Variants in SFTPD observed in about 807,000 individuals in gnomAD.
SFTPD encodes surfactant protein D, also known as pulmonary surfactant-associated protein D.
In SFTPD, 18 loss-of-function variants were observed where a neutral mutation model predicts 34.6. That is an observed-to-expected ratio of 0.52 (90% CI 0.36 to 0.77). SFTPD has a LOEUF of 0.77. Among genes scored for constraint, SFTPD ranks in the 30% least tolerant of loss-of-function variants. The probability of loss-of-function intolerance (pLI) is 0.00; values close to 1 mark genes in which losing one functional copy is unlikely to be tolerated. For missense variants in SFTPD, 433 were observed against 468.9 expected (o/e 0.92, Z 0.71); for synonymous variants, 155 against 180.9 (o/e 0.86, Z 1.15).
intron 1 of SFTPD, among the ~76,000 whole-genome samples, chr10:79,979,677 G>T (rs548012462): frequency 1.9e-4 from 29 of 152,188 alleles, no homozygotes; most frequent in Admixed American, 1.8e-3. Flanking sequence ...ATGGGATGAA[G>T]TACTCTGGGA....
intron 1 of SFTPD, among the ~76,000 whole-genome samples, chr10:79,976,854 G>A (rs528446664): frequency 7.9e-5 from 12 of 152,308 alleles, no homozygotes; most frequent in African/African-American, 2.6e-4. Flanking sequence ...GGACCCAGGA[G>A]GAGGTAATTG....
At chr10:79,950,255 C>T (rs564812628), upstream of SFTPD, 29 of 152,252 alleles carry the variant, frequency 1.9e-4, no homozygotes, top group African/African-American at 7.0e-4. Flanking sequence ...TTTTTAGTCT[C>T]AATTATGTAA....
At chr10:79,950,299 A>G (rs1338019765), upstream of SFTPD, 1 of 152,172 alleles carries the variant, frequency 6.6e-6, no homozygotes, top group Non-Finnish European at 1.5e-5. Flanking sequence ...TTTCACTTTA[A>G]TGTGCTTTTA....
chr10:79,941,621 T>C (rs542151243), intron 5 of SFTPD, 107 bp from the exon 6 acceptor site: 6 of 841,714 alleles, frequency 7.1e-6, no homozygotes, highest in African/African-American at 6.8e-5. Context: ...TGCCCAGAAA[T>C]AGACAGATGG....
At chr10:79,938,294 A>G in intron 7 of SFTPD, 66 bp from the exon 8 acceptor site, 1 of 1,456,980 alleles carries the variant, frequency 6.9e-7, no homozygotes, top group Non-Finnish European at 9.3e-7. Context: ...GGGCTGTGAG[A>G]CCTCTGTGCT....
intron 4 of SFTPD, 80 bp downstream of exon 4, chr10:79,942,308 T>G: frequency 3.0e-6 from 3 of 995,278 alleles, no homozygotes; most frequent in Non-Finnish European, 3.2e-6. Context: ...CCTGGCACTC[T>G]GAGCACGCCT....
chr10:79,938,243 AAGTC>A lies in SFTPD; in HGVS notation c.752-19_752-16del, dbSNP rs17880072. 0.085 allele frequency: 134,228 copies of A among 1,575,720 alleles called. 7,328 individuals are homozygous for A. Among genetic ancestry groups the A allele is most frequent in the African/African-American group, 0.25 (18,433 of 74,324 alleles). The stretch of plus-strand genomic sequence containing the variant: ...GAAGAGCTCAACTAGGAGAAGAAGA[AAGTC>A]AGGTTGGGGTTGTGGCATCACCTGG... On this transcript the variant is annotated splice_polypyrimidine_tract_variant and intron_variant, in intron 7 of 7. Coordinates refer to ENST00000372292, the MANE Select transcript of SFTPD (RefSeq NM_003019.5).
intron 1 of SFTPD, among the ~76,000 whole-genome samples, chr10:79,957,275 C>T (rs1028594654): frequency 3.3e-5 from 5 of 152,188 alleles, no homozygotes; most frequent in African/African-American, 1.2e-4. Context: ...CAGCTCCTCA[C>T]CAACAACGGA....
rs996936503 is a variant in SFTPD at position 79,977,461 on chromosome 10, AAAC to A, written c.36+5111_36+5113del. Among the ~76,000 whole-genome samples the A allele has an allele frequency of 1.8e-4, 27 of 152,224 alleles. 1 individual carries two copies. Among genetic ancestry groups the A allele is most frequent in the Admixed American group, 7.2e-4 (11 of 15,286 alleles). On this transcript the variant is annotated intron_variant, in intron 1 of 5. Transcript: ENST00000444384. The stretch of plus-strand genomic sequence containing the variant: ...GCTTTTCTGATACTCAATCATAAAC[AAAC>A]AACAACAACACACACATACACACAC...
At chr10:79,940,412 G>A (rs745394943) in intron 7 of SFTPD, among the ~76,000 whole-genome samples, 2 of 152,200 alleles carry the variant, frequency 1.3e-5, no homozygotes, top group African/African-American at 2.4e-5. Flanking sequence ...TGCCAGCCTG[G>A]TGAGCTGGTG....
chr10:79,973,617 C>CAAAAA (rs5786429), intron 1 of SFTPD, among the ~76,000 whole-genome samples: 1 of 90,632 alleles, frequency 1.1e-5, no homozygotes, highest in African/African-American at 4.0e-5. Context: ...GACTCTGTCT[C>CAAAAA]AAAAAAAAAA....
chr10:79,965,294 A>G (rs955654767), intron 1 of SFTPD, among the ~76,000 whole-genome samples: 12 of 151,908 alleles, frequency 7.9e-5, no homozygotes, highest in African/African-American at 2.9e-4. Context: ...TAGTTTCTCA[A>G]TTCATCCAAA....
chr10:79,982,170 G>A, intron 1 of SFTPD: 2 of 421,422 alleles, frequency 4.7e-6, no homozygotes, highest in Non-Finnish European at 7.8e-6. Flanking sequence ...GCGGACATGG[G>A]CACCAAGCAG....
At chr10:79,942,546 T>C (rs1351990668) in intron 3 of SFTPD, 42 bp from the exon 4 acceptor site, 3 of 1,315,602 alleles carry the variant, frequency 2.3e-6, no homozygotes, top group South Asian at 1.2e-5. Context: ...ATGAATCCTC[T>C]TGGCAGGAGG....
At chr10:79,942,722 C>G in intron 3 of SFTPD, 41 bp downstream of exon 3, 2 of 1,343,228 alleles carry the variant, frequency 1.5e-6, no homozygotes, top group Non-Finnish European at 2.1e-6. Context: ...GCAGCTGCAC[C>G]ACCACCTGGA....
intron 1 of SFTPD, among the ~76,000 whole-genome samples, chr10:79,957,619 G>A (rs2132511396): frequency 6.6e-6 from 1 of 152,244 alleles, no homozygotes; most frequent in Middle Eastern, 3.4e-3. Context: ...AAAAAGAAAT[G>A]AACAAAGCCT....
rs1178653044 is a variant in SFTPD at position 79,966,922 on chromosome 10, A to G, written c.36+15653T>C. ...AGGGATGCCCTCTCTCACTGCTCCTATTCAACATAGTGTTGGACGTTCTGG... is the reference window on the plus strand; with the variant it reads ...AGGGATGCCCTCTCTCACTGCTCCTGTTCAACATAGTGTTGGACGTTCTGG... On this transcript the variant is annotated intron_variant, in intron 1 of 5. Coordinates refer to the SFTPD transcript ENST00000444384. 3.4e-5 allele frequency among the ~76,000 whole-genome samples: 5 copies of G among 147,570 alleles called. 1 individual carries two copies. Among genetic ancestry groups the G allele is most frequent in the African/African-American group, 1.3e-4 (5 of 39,090 alleles).
chr10:79,976,389 T>C lies in SFTPD; in HGVS notation c.36+6186A>G, dbSNP rs537690350. On this transcript the variant is annotated intron_variant, in intron 1 of 5. Coordinates refer to the SFTPD transcript ENST00000444384. ...ACCTGACAGCCTGTGCAAAAACACATCTGCATGCTCCCAGAAGTCCCTGGC... is the reference window on the plus strand; with the variant it reads ...ACCTGACAGCCTGTGCAAAAACACACCTGCATGCTCCCAGAAGTCCCTGGC... Among the ~76,000 whole-genome samples the C allele has an allele frequency of 2.0e-3, 308 of 152,180 alleles. 1 individual carries two copies. The highest frequency in any genetic ancestry group is 7.2e-3 in the African/African-American group (298 of 41,532).
chr10:79,947,207 C>G (rs1842674668), intron 1 of SFTPD, among the ~76,000 whole-genome samples: 2 of 152,246 alleles, frequency 1.3e-5, no homozygotes, highest in African/African-American at 4.8e-5. Context: ...TTAGTAATGT[C>G]CTTCCTGAGC....
Sources: gnomAD v4.1 joint callset for allele counts (sites outside exome capture counted in the v4.1 genomes callset) on GRCh38, gnomAD v4.1.1 for gene constraint, MANE v1.5 for transcripts, NCBI Gene and HGNC (gene_info 2026-07-23, HGNC 2026-07-21) for gene names.